RAMP1: variants seen among roughly 807,000 people sequenced by gnomAD.
RAMP1 encodes receptor activity modifying protein 1, also known as receptor activity-modifying protein 1.
Under a neutral mutation model 8.2 loss-of-function variants are expected in RAMP1, and 7 were observed. That is an observed-to-expected ratio of 0.85 (90% CI 0.49 to 1.60). The LOEUF (loss-of-function observed/expected upper bound fraction) is 1.60. RAMP1 is among the 40% of genes most tolerant of loss of function. RAMP1 has a pLI of 0.00. For missense variants in RAMP1, 192 were observed against 202.4 expected (o/e 0.95, Z 0.31); for synonymous variants, 92 against 84.7 (o/e 1.09, Z -0.47).
chr2:237,875,541 G>A (rs2062294327), intron 1 of RAMP1, among the ~76,000 whole-genome samples: 1 of 152,158 alleles, frequency 6.6e-6, no homozygotes, highest in African/African-American at 2.4e-5. Flanking sequence ...CTTGCTAGCA[G>A]GTCCTGTCCT....
chr2:237,873,385 G>A (rs1008346003), intron 1 of RAMP1, among the ~76,000 whole-genome samples: 2 of 152,208 alleles, frequency 1.3e-5, no homozygotes, highest in Non-Finnish European at 2.9e-5. Flanking sequence ...AACACCTGAT[G>A]AGCAGTGTCC....
At position 237,900,747 on chromosome 2, in the gene RAMP1, G is replaced by C. The variant is rs1208395435; in HGVS notation, c.192-10781G>C. 5.9e-5 allele frequency among the ~76,000 whole-genome samples: 9 copies of C among 151,752 alleles called. No individual in the cohort carries two copies. In the South Asian group the frequency reaches 1.9e-3, roughly 32 times the overall value. ...TTATATAAATGATCTTTCATTTCTA[G>C]GAATTCCATTTTTTTAAATTTATCC... On this transcript the variant is annotated intron_variant, in intron 2 of 2. Transcript: ENST00000254661.
intron 2 of RAMP1, among the ~76,000 whole-genome samples, chr2:237,892,201 G>A (rs1006200799): frequency 6.6e-6 from 1 of 150,442 alleles, no homozygotes; most frequent in Non-Finnish European, 1.5e-5. Flanking sequence ...TGTCTTAATT[G>A]TTTATCTTTC....
chr2:237,878,046 C>G lies in RAMP1; in HGVS notation c.191+684C>G, dbSNP rs1196453299. 5.5e-5 allele frequency: 54 copies of G among 985,352 alleles called. No homozygotes were observed. Among genetic ancestry groups the G allele is most frequent in the Non-Finnish European group, 6.4e-5 (53 of 829,934 alleles). 61.0% of individuals were successfully genotyped at this position (985,352 alleles called of 1,614,324 possible). ...GATCAGAACTCGGCATGTCCGCAAT[C>G]GACTTTCAAGTCCTTGTTTCTGCCT... On this transcript the variant is annotated intron_variant, in intron 2 of 2. Transcript: ENST00000254661. This position sits in a 1 kb window ranked among gnomAD's most constrained non-coding sequence, Gnocchi z 5.7.
At chr2:237,872,096 A>G (rs2062251921) in intron 1 of RAMP1, among the ~76,000 whole-genome samples, 2 of 152,236 alleles carry the variant, frequency 1.3e-5, no homozygotes, top group Admixed American at 6.5e-5. Context: ...GGTATCGTCC[A>G]TGCCTTAAGG....
chr2:237,890,927 T>A (rs2062481514), intron 2 of RAMP1, among the ~76,000 whole-genome samples: 1 of 152,218 alleles, frequency 6.6e-6, no homozygotes, highest in Non-Finnish European at 1.5e-5. Flanking sequence ...CATCACCGTG[T>A]CTTTTCTCAG....
intron 2 of RAMP1, among the ~76,000 whole-genome samples, chr2:237,892,867 T>G (rs1230478838): frequency 6.6e-6 from 1 of 152,198 alleles, no homozygotes; most frequent in Non-Finnish European, 1.5e-5. Context: ...TGGTTTTTAA[T>G]TTTTACGCTG....
chr2:237,888,011 G>A (rs186220), intron 2 of RAMP1, among the ~76,000 whole-genome samples: 87,206 of 149,804 alleles, frequency 0.58, 26,076 homozygotes, highest in Non-Finnish European at 0.67. Context: ...AATAATTCAT[G>A]CAAGTAGGCT....
At chr2:237,882,311 G>A (rs912105458) in intron 2 of RAMP1, among the ~76,000 whole-genome samples, 10 of 152,222 alleles carry the variant, frequency 6.6e-5, no homozygotes, top group African/African-American at 2.4e-4. Context: ...ACCGCCTGCT[G>A]AATGTTTACC....
rs546633945 is a variant in RAMP1 at position 237,862,173 on chromosome 2, T to G, written c.52+2446T>G. On this transcript the variant is annotated intron_variant, in intron 1 of 2. Transcript: ENST00000254661. The surrounding 1 kb of genome is among the most constrained non-coding windows in gnomAD (Gnocchi z 4.0). Reference sequence around the variant, plus strand: ...ATTAATTGAAATGTATGACTTTATATAAATACAAGTAGAATTGGAATGACA... The same window carrying G: ...ATTAATTGAAATGTATGACTTTATAGAAATACAAGTAGAATTGGAATGACA... Among the ~76,000 whole-genome samples the G allele has an allele frequency of 9.9e-5, 15 of 152,230 alleles. No homozygotes were observed. The East Asian group carries it at 2.9e-3, about 29-fold the overall frequency.
intron 2 of RAMP1, among the ~76,000 whole-genome samples, chr2:237,900,637 C>T (rs1448381813): frequency 1.3e-5 from 2 of 152,090 alleles, no homozygotes; most frequent in African/African-American, 2.4e-5. Context: ...TTGCCCCATT[C>T]CATTCATTTG....
chr2:237,884,860 G>A (rs747059801), intron 2 of RAMP1, among the ~76,000 whole-genome samples: 2 of 152,230 alleles, frequency 1.3e-5, no homozygotes, highest in Non-Finnish European at 2.9e-5. Flanking sequence ...CCCATGCTGG[G>A]CAATCATGGG....
intron 2 of RAMP1, among the ~76,000 whole-genome samples, chr2:237,909,044 G>A (rs908317938): frequency 6.6e-6 from 1 of 152,156 alleles, no homozygotes; most frequent in African/African-American, 2.4e-5. Flanking sequence ...AGGGGACTCA[G>A]CACCTGCCCT....
intron 2 of RAMP1, among the ~76,000 whole-genome samples, chr2:237,892,965 G>C (rs2062501334): frequency 6.6e-6 from 1 of 152,146 alleles, no homozygotes; most frequent in Non-Finnish European, 1.5e-5. Flanking sequence ...TTTGCAAATA[G>C]GTTGTTAATT....
At chr2:237,900,803 A>G (rs1021605156) in intron 2 of RAMP1, among the ~76,000 whole-genome samples, 4 of 151,956 alleles carry the variant, frequency 2.6e-5, no homozygotes, top group Non-Finnish European at 4.4e-5. Flanking sequence ...AGTTTTCAGT[A>G]TTGTAGCCTG....
chr2:237,872,141 A>G (rs1388409585), intron 1 of RAMP1, among the ~76,000 whole-genome samples: 2 of 152,146 alleles, frequency 1.3e-5, no homozygotes, highest in East Asian at 3.9e-4. Flanking sequence ...TTCAGGATTG[A>G]GTATGGATCG....
chr2:237,887,082 T>C (rs970352478), intron 2 of RAMP1, among the ~76,000 whole-genome samples: 27 of 113,918 alleles, frequency 2.4e-4, no homozygotes, highest in African/African-American at 7.7e-4. Flanking sequence ...GGGCTGCCCA[T>C]GGGGAAGGGG....
chr2:237,893,115 C>T (rs890419019), intron 2 of RAMP1, among the ~76,000 whole-genome samples: 7 of 152,152 alleles, frequency 4.6e-5, no homozygotes, highest in Admixed American at 4.6e-4. Context: ...AGCTCTCTGC[C>T]GTCTTTGCAA....
At chr2:237,864,697 C>A (rs2062169079) in intron 1 of RAMP1, among the ~76,000 whole-genome samples, 1 of 152,216 alleles carries the variant, frequency 6.6e-6, no homozygotes, top group African/African-American at 2.4e-5. Context: ...GCAGCTCCCC[C>A]AGAGGATGAT....
Sources: allele counts gnomAD v4.1 joint callset (sites outside exome capture counted in the v4.1 genomes callset), GRCh38; gene constraint gnomAD v4.1.1; non-coding constraint Gnocchi (gnomAD v3.1); transcripts MANE v1.5; gene names NCBI Gene and HGNC (gene_info 2026-07-23, HGNC 2026-07-21).